The following DLGAP1 variants were observed in gnomAD, a reference collection of about 807,000 sequenced individuals.
DLGAP1 encodes the protein DLG associated protein 1, also known as disks large-associated protein 1.
DLGAP1 carries 11 observed loss-of-function variants against 90.8 expected under a neutral mutation model. That is an observed-to-expected ratio of 0.12 (90% CI 0.08 to 0.20). The LOEUF is 0.20. DLGAP1 is among the 10% of genes least tolerant of loss of function. The probability of loss-of-function intolerance (pLI) is 1.00; values close to 1 mark genes in which losing one functional copy is unlikely to be tolerated. For synonymous variants in DLGAP1, 558 were observed against 540.7 expected (o/e 1.03, Z -0.44); for missense variants, 1,050 against 1,333.8 (o/e 0.79, Z 3.31).
At chr18:3,892,136 CACA>C (rs2071484295) in intron 3 of DLGAP1, 1 of 146,508 alleles carries the variant, frequency 6.8e-6, no homozygotes, top group South Asian at 2.1e-4. Context: ...CACACACACA[CACA>C]CACACACACA....
intron 2 of DLGAP1, among the ~76,000 whole-genome samples, chr18:4,066,898 C>T (rs544204438): frequency 7.9e-5 from 12 of 152,104 alleles, no homozygotes; most frequent in Non-Finnish European, 1.6e-4. Flanking sequence ...CAGCACTATT[C>T]ACAATAGCAA....
intron 1 of DLGAP1, among the ~76,000 whole-genome samples, chr18:4,359,103 G>C (rs2081581805): frequency 6.6e-6 from 1 of 152,172 alleles, no homozygotes. Flanking sequence ...GATGACTCTA[G>C]CTTTTATTTA....
intron 1 of DLGAP1, among the ~76,000 whole-genome samples, chr18:4,319,176 T>A (rs1177731460): frequency 6.7e-6 from 1 of 150,074 alleles, no homozygotes; most frequent in Non-Finnish European, 1.5e-5. Context: ...ATCTATGGCT[T>A]TTTTAAAACA....
At chr18:4,025,870 T>G (rs894392236) in intron 2 of DLGAP1, among the ~76,000 whole-genome samples, 5 of 152,186 alleles carry the variant, frequency 3.3e-5, no homozygotes, top group Non-Finnish European at 5.9e-5. Flanking sequence ...GAAGGTATTT[T>G]TAAAAAACAG....
intron 10 of DLGAP1, among the ~76,000 whole-genome samples, chr18:3,530,979 C>T (rs2051954024): frequency 6.6e-6 from 1 of 152,072 alleles, no homozygotes; most frequent in Non-Finnish European, 1.5e-5. Flanking sequence ...AGAGAGTGGA[C>T]ACAGTGAAGA....
At chr18:4,450,430 G>C (rs529274831) in intron 1 of DLGAP1, among the ~76,000 whole-genome samples, 1 of 152,152 alleles carries the variant, frequency 6.6e-6, no homozygotes, top group Non-Finnish European at 1.5e-5. Context: ...AGCTAAAACC[G>C]TGTCACCAGA....
chr18:3,663,084 C>T (rs2059743036), intron 7 of DLGAP1, among the ~76,000 whole-genome samples: 1 of 151,978 alleles, frequency 6.6e-6, no homozygotes. Flanking sequence ...TCAGCCTGAC[C>T]AACATGGTGA....
chr18:3,808,638 C>T (rs1353915328), intron 5 of DLGAP1, among the ~76,000 whole-genome samples: 1 of 152,076 alleles, frequency 6.6e-6, no homozygotes, highest in Non-Finnish European at 1.5e-5. Context: ...GTTCCCAATA[C>T]AGTTCATATC....
chr18:3,501,436 C>CT (rs1311312988), intron 12 of DLGAP1, among the ~76,000 whole-genome samples: 2 of 152,134 alleles, frequency 1.3e-5, no homozygotes, highest in Non-Finnish European at 1.5e-5. Flanking sequence ...TACTTTCCAA[C>CT]TTAACACTAC....
intron 1 of DLGAP1, among the ~76,000 whole-genome samples, chr18:4,445,448 TC>T (rs1194478642): frequency 4.8e-5 from 3 of 62,406 alleles, no homozygotes; most frequent in Non-Finnish European, 8.7e-5. Flanking sequence ...CCCTCCCCCC[TC>T]CCCCCACCCC....
chr18:4,086,354 A>G (rs1469551147), intron 2 of DLGAP1, among the ~76,000 whole-genome samples: 1 of 152,236 alleles, frequency 6.6e-6, no homozygotes, highest in Non-Finnish European at 1.5e-5. Flanking sequence ...TCTAAACCGG[A>G]AGGTGCTAAA....
In DLGAP1 at chr18:4,174,615, G is replaced by A. The variant is rs769410980; in HGVS notation, c.-266-23328C>T. Among the ~76,000 whole-genome samples the A allele has an allele frequency of 4.6e-5, 7 of 152,162 alleles. 1 individual carries two copies. The highest frequency in any genetic ancestry group is 3.3e-4 in the Admixed American group (5 of 15,270). ...CCCAAAGTGCTGGGATTACAGGCATGAGCCACCGCACCCAACCTTATTTTA... is the reference window on the plus strand; with the variant it reads ...CCCAAAGTGCTGGGATTACAGGCATAAGCCACCGCACCCAACCTTATTTTA... On this transcript the variant is annotated intron_variant, in intron 1 of 12. Transcript: ENST00000315677.
chr18:3,893,340 G>T (rs1326393679), intron 3 of DLGAP1, among the ~76,000 whole-genome samples: 2 of 152,012 alleles, frequency 1.3e-5, no homozygotes, highest in African/African-American at 4.8e-5. Context: ...GCTTTGGGAG[G>T]CTGAGGCGGG....
chr18:3,660,356 C>A lies in DLGAP1; in HGVS notation c.1591+68779G>T, dbSNP rs183207292. On this transcript the variant is annotated intron_variant, in intron 7 of 12. Coordinates refer to ENST00000315677, the MANE Select transcript of DLGAP1 (RefSeq NM_004746.4). The surrounding 1 kb of genome is among the most constrained non-coding windows in gnomAD (Gnocchi z 4.2). ...CACTTTTCACTGTTTGCAGTTATCT[C>A]ATTGATTTCACATCTGCGTCCTTGT... is the stretch of plus-strand genomic sequence containing the variant. 2.6e-5 allele frequency among the ~76,000 whole-genome samples: 4 copies of A among 152,328 alleles called. No individual in the cohort carries two copies. Among genetic ancestry groups the A allele is most frequent in the African/African-American group, 9.6e-5 (4 of 41,574 alleles).
At chr18:3,588,304 A>G (rs1419492317) in intron 7 of DLGAP1, among the ~76,000 whole-genome samples, 2 of 152,172 alleles carry the variant, frequency 1.3e-5, no homozygotes, top group Non-Finnish European at 2.9e-5. Context: ...TACTAAAAAT[A>G]CAAAATTAGT....
chr18:4,148,156 C>T (rs189312688), intron 2 of DLGAP1, among the ~76,000 whole-genome samples: 68 of 152,098 alleles, frequency 4.5e-4, no homozygotes, highest in African/African-American at 1.5e-3. Context: ...AGAGCAACAA[C>T]AACAACAAAA....
In DLGAP1 at chr18:3,523,528, A is replaced by G. The variant is rs193122501; in HGVS notation, c.2479+10666T>C. 2.5e-3 allele frequency among the ~76,000 whole-genome samples: 383 copies of G among 152,238 alleles called. 1 individual carries two copies. The highest frequency in any genetic ancestry group is 8.9e-3 in the African/African-American group (368 of 41,564). ...ACAACTCAATAGCAAGAAAGCAACT[A>G]ACCCCAAAAAACTCAATTTAAAAAT... On this transcript the variant is annotated intron_variant, in intron 10 of 12. Transcript: ENST00000315677.
At chr18:3,859,451 A>C (rs2069886896) in intron 4 of DLGAP1, among the ~76,000 whole-genome samples, 1 of 152,226 alleles carries the variant, frequency 6.6e-6, no homozygotes, top group South Asian at 2.1e-4. Flanking sequence ...GAACCTGTGA[A>C]TGTTACCTTA....
At chr18:3,978,317 C>A in intron 3 of DLGAP1, 1 of 379,826 alleles carries the variant, frequency 2.6e-6, no homozygotes, top group Non-Finnish European at 5.2e-6. Flanking sequence ...CATGAAGACA[C>A]CAGTGGACTC....
Sources: allele counts gnomAD v4.1 joint callset (sites outside exome capture counted in the v4.1 genomes callset), GRCh38; gene constraint gnomAD v4.1.1; non-coding constraint Gnocchi (gnomAD v3.1); transcripts MANE v1.5; gene names NCBI Gene and HGNC (gene_info 2026-07-23, HGNC 2026-07-21).